The following TRDMT1 variants were observed in gnomAD, a reference collection of about 807,000 sequenced individuals.
TRDMT1 encodes the protein tRNA aspartic acid methyltransferase 1.
A neutral mutation model predicts 51.2 loss-of-function variants in TRDMT1; 49 were observed. The ratio of observed to expected loss-of-function variants is 0.96; its 90% CI spans 0.76 to 1.21. TRDMT1 has a LOEUF of 1.21. Ranked by LOEUF, TRDMT1 falls within the 50% of genes most tolerant of loss-of-function variation. The pLI is 0.00. For missense variants in TRDMT1, 534 were observed against 462.3 expected (o/e 1.16, Z -1.42); for synonymous variants, 187 against 164.6 (o/e 1.14, Z -1.04).
chr10:17,162,738 G>C (rs186013936), intron 3 of TRDMT1, among the ~76,000 whole-genome samples: 1 of 152,272 alleles, frequency 6.6e-6, no homozygotes, highest in East Asian at 1.9e-4. Flanking sequence ...ACCTACTCAG[G>C]AGGCAGAGGC....
intron 1 of TRDMT1, among the ~76,000 whole-genome samples, chr10:17,195,806 G>T (rs1208675231): frequency 1.3e-5 from 2 of 151,984 alleles, no homozygotes; most frequent in South Asian, 2.1e-4. Context: ...GAGAAGAAAT[G>T]ATAAATTTAT....
At chr10:17,179,978 GCAAT>G (rs1843075230) in intron 1 of TRDMT1, among the ~76,000 whole-genome samples, 1 of 152,098 alleles carries the variant, frequency 6.6e-6, no homozygotes, top group Admixed American at 6.5e-5. Context: ...GTCCCACTAA[GCAAT>G]CCCTAAAGAC....
chr10:17,169,467 AC>A, intron 2 of TRDMT1: 1 of 1,289,758 alleles, frequency 7.8e-7, no homozygotes, highest in Non-Finnish European at 1.0e-6. Context: ...ACTTCAAATG[AC>A]TGTTGACAAG....
intron 1 of TRDMT1, among the ~76,000 whole-genome samples, chr10:17,188,841 A>G (rs185731777): frequency 6.6e-6 from 1 of 152,306 alleles, no homozygotes; most frequent in Non-Finnish European, 1.5e-5. Flanking sequence ...TCCGCGAAGT[A>G]ATCACCTACT....
At chr10:17,151,020 T>G in intron 10 of TRDMT1, 1 of 963,534 alleles carries the variant, frequency 1.0e-6, no homozygotes, top group Non-Finnish European at 1.2e-6. Flanking sequence ...TGTGTGTGTG[T>G]GCGTGCATCT....
At chr10:17,150,008 C>A (rs1838479118) in intron 10 of TRDMT1, among the ~76,000 whole-genome samples, 1 of 152,022 alleles carries the variant, frequency 6.6e-6, no homozygotes, top group African/African-American at 2.4e-5. Flanking sequence ...AGGGGTGAAA[C>A]TGCTGGGTCA....
intron 8 of TRDMT1, 141 bp downstream of exon 8, chr10:17,157,300 G>A (rs1839659235): frequency 1.4e-6 from 1 of 733,522 alleles, no homozygotes; most frequent in African/African-American, 1.8e-5. Context: ...GGAACATGAA[G>A]TAGGCAATTA....
chr10:17,157,505 G>C lies in TRDMT1; in HGVS notation c.823C>G (p.Arg275Gly). ...QYLLPPKSLL[R>G]YALLLDIVQP... is the part of the protein sequence containing the mutation. ...ACAATGTCTAACAGAAGAGCATATC[G>C]CAGCAATGACTTTGGTGGTAAAAGA... Residue 275 changes from arginine (R) to glycine (G), a missense_variant, in exon 8 of 11, where the codon CGA (arginine) becomes GGA (glycine). Transcript: ENST00000377799. The C allele has an allele frequency of 6.2e-7, 1 of 1,613,970 alleles. No homozygotes were observed. Among genetic ancestry groups the C allele is most frequent in the South Asian group, 1.1e-5 (1 of 91,086 alleles).
chr10:17,146,785 C>T lies in TRDMT1; in HGVS notation c.*2255G>A, dbSNP rs7900327. ...GCAAATTTTATATACAGCATTATTA[C>T]CAAAAGCATATAGCAGACATTCCAT... is the stretch of plus-strand genomic sequence containing the variant. On this transcript the variant is annotated 3_prime_UTR_variant, in exon 11 of 11. Coordinates refer to ENST00000377799, the MANE Select transcript of TRDMT1 (RefSeq NM_004412.7). The T allele has an allele frequency of 5.3e-3, 5,260 of 985,308 alleles. 207 individuals carry two copies. The African/African-American group carries it at 0.085, about 16-fold the overall frequency. 61.0% of individuals were successfully genotyped at this position (985,308 alleles called of 1,614,324 possible). A position where few individuals can be genotyped will look rare whatever the true frequency, so the allele number is the denominator to read the frequency against.
chr10:17,160,245 T>C, intron 6 of TRDMT1, 60 bp downstream of exon 6: 1 of 1,165,004 alleles, frequency 8.6e-7, no homozygotes, highest in Non-Finnish European at 1.2e-6. Flanking sequence ...TCAAATTTCC[T>C]TTGGGAAAAA....
rs940159048 is a variant in TRDMT1 at position 17,145,835 on chromosome 10, T to A, written c.*3205A>T. 61 of 985,486 alleles carry A rather than the reference T, an allele frequency of 6.2e-5. No individual in the cohort carries two copies. The African/African-American group carries it at 9.9e-4, about 16-fold the overall frequency. 61.0% of individuals were successfully genotyped at this position (985,486 alleles called of 1,614,324 possible). A position where few individuals can be genotyped will look rare whatever the true frequency, so the allele number is the denominator to read the frequency against. ...GCATCCTTTAGTAGGTGCTTGATATTAGATGAAATGTGGTTGCTTCTTTGT... is the reference window on the plus strand; with the variant it reads ...GCATCCTTTAGTAGGTGCTTGATATAAGATGAAATGTGGTTGCTTCTTTGT... On this transcript the variant is annotated 3_prime_UTR_variant, in exon 11 of 11. Transcript: ENST00000377799.
chr10:17,166,910 C>G (rs1426332698), intron 3 of TRDMT1, among the ~76,000 whole-genome samples: 2 of 152,144 alleles, frequency 1.3e-5, no homozygotes, highest in African/African-American at 4.8e-5. Flanking sequence ...CCTAGAGCCA[C>G]CCTGAGATGG....
intron 10 of TRDMT1, among the ~76,000 whole-genome samples, chr10:17,149,353 T>A (rs1037933041): frequency 6.6e-6 from 1 of 152,174 alleles, no homozygotes; most frequent in Non-Finnish European, 1.5e-5. Context: ...TCACATTATG[T>A]GTTATGCTCA....
intron 1 of TRDMT1, among the ~76,000 whole-genome samples, chr10:17,184,369 A>T (rs180866585): frequency 1.0e-3 from 152 of 152,004 alleles, no homozygotes; most frequent in African/African-American, 3.6e-3. Context: ...AAACATTAGT[A>T]CTCTATATCT....
chr10:17,152,875 T>C, intron 10 of TRDMT1: 1 of 152,502 alleles, frequency 6.6e-6, no homozygotes, highest in East Asian at 1.9e-4. Context: ...TTCCTTGCTG[T>C]AGATCCCCAA....
In TRDMT1 at chr10:17,147,877, G is replaced by T; in HGVS notation, c.*1163C>A. ...AGGGTAATTCTATGTTGAATTTTGT[G>T]ACGAACCTCCATAGCGTTTTCCAAC... On this transcript the variant is annotated 3_prime_UTR_variant, in exon 11 of 11. Transcript: ENST00000377799. 1 of 527,000 alleles carries T rather than the reference G, an allele frequency of 1.9e-6. No individual in the cohort carries two copies. Among genetic ancestry groups the T allele is most frequent in the Non-Finnish European group, 2.4e-6 (1 of 411,306 alleles). The allele number at this position is 527,000 out of a possible 1,614,324, so 32.6% of individuals were successfully genotyped here.
At position 17,143,458 on chromosome 10, in the gene TRDMT1, G is replaced by C. The variant is rs1417701892; in HGVS notation, c.*5582C>G. 1 of 985,418 alleles carries C rather than the reference G, an allele frequency of 1.0e-6. No individual in the cohort carries two copies. The highest frequency in any genetic ancestry group is 1.1e-4 in the East Asian group (1 of 8,822). 61.0% of individuals were successfully genotyped at this position (985,418 alleles called of 1,614,324 possible). On this transcript the variant is annotated 3_prime_UTR_variant, in exon 11 of 11. Coordinates refer to ENST00000377799, the MANE Select transcript of TRDMT1 (RefSeq NM_004412.7). The stretch of plus-strand genomic sequence containing the variant: ...AGTCAACTCATTTCTACTACACAAG[G>C]AGTATCACATTCCATTCAGTGTTTT...
intron 10 of TRDMT1, chr10:17,150,592 T>A: frequency 1.0e-6 from 1 of 985,214 alleles, no homozygotes; most frequent in Non-Finnish European, 1.2e-6. Flanking sequence ...CAGCATACTC[T>A]AGCATAGCAA....
In TRDMT1 at chr10:17,146,490, T is replaced by C. The variant is rs1838120387; in HGVS notation, c.*2550A>G. ...CATTTTCCAACTATGACTCATTTTGTTTACATTAATTGATTTGGTCATCTC... is the reference window on the plus strand; with the variant it reads ...CATTTTCCAACTATGACTCATTTTGCTTACATTAATTGATTTGGTCATCTC... On this transcript the variant is annotated 3_prime_UTR_variant, in exon 11 of 11. Transcript: ENST00000377799. 1.0e-6 allele frequency: 1 copy of C among 985,364 alleles called. No individual in the cohort carries two copies. The highest frequency in any genetic ancestry group is 1.1e-4 in the East Asian group (1 of 8,818). 61.0% of individuals were successfully genotyped at this position (985,364 alleles called of 1,614,324 possible).
Sources: gnomAD v4.1 joint callset for allele counts (sites outside exome capture counted in the v4.1 genomes callset) on GRCh38, gnomAD v4.1.1 for gene constraint, MANE v1.5 for transcripts, NCBI Gene and HGNC (gene_info 2026-07-23, HGNC 2026-07-21) for gene names.